Variants in TAOK1 observed in about 807,000 individuals in gnomAD.
The protein encoded by TAOK1 is TAO kinase 1.
A neutral mutation model predicts 138.3 loss-of-function variants in TAOK1; 21 were observed. The observed-to-expected ratio is 0.15, with a 90% CI of 0.11 to 0.22. The LOEUF (loss-of-function observed/expected upper bound fraction) is 0.22, where lower values mean the gene tolerates loss of function less well. Among genes scored for constraint, TAOK1 ranks in the 10% least tolerant of loss-of-function variants. The pLI is 1.00. For synonymous variants in TAOK1, 361 were observed against 398.4 expected, an observed-to-expected ratio of 0.91 and a Z score of 1.12; for missense variants, 651 against 1,227.7, an observed-to-expected ratio of 0.53 and a Z score of 7.02.
chr17:29,475,557 G>A (rs2030926252), intron 3 of TAOK1, 113 bp from the exon 4 acceptor site: 1 of 716,264 alleles, frequency 1.4e-6, no homozygotes, highest in Admixed American at 3.2e-5. Context: ...GTAAAACCAA[G>A]CAAAGTTGCA....
At chr17:29,442,380 T>G (rs998623767) in intron 1 of TAOK1, among the ~76,000 whole-genome samples, 1 of 150,218 alleles carries the variant, frequency 6.7e-6, no homozygotes. Context: ...TTATGGTTTA[T>G]TTTTTTCTGT....
At chr17:29,507,782 A>G in intron 13 of TAOK1, 114 bp from the exon 14 acceptor site, 1 of 941,798 alleles carries the variant, frequency 1.1e-6, no homozygotes, top group South Asian at 1.8e-5. Flanking sequence ...GAATCTGCTA[A>G]CATTGGGATA....
Position 29,526,896 on chromosome 17 carries a change from A to G in TAOK1, c.2149-3511A>G, listed in dbSNP as rs558558757. ...GCAATCCCAGCACTTTGGGAGGTTGACGTGGGCAGATCACAAGGTCAGGAG... is the reference window on the plus strand; with the variant it reads ...GCAATCCCAGCACTTTGGGAGGTTGGCGTGGGCAGATCACAAGGTCAGGAG... On this transcript the variant is annotated intron_variant, in intron 17 of 19. Coordinates refer to ENST00000261716, the MANE Select transcript of TAOK1 (RefSeq NM_020791.4). Among the ~76,000 whole-genome samples, 5 of 148,096 alleles carry G rather than the reference A, an allele frequency of 3.4e-5. No individual in the cohort carries two copies. In the East Asian group the frequency reaches 8.0e-4, roughly 24 times the overall value.
intron 6 of TAOK1, 117 bp from the exon 7 acceptor site, chr17:29,480,251 C>A: frequency 1.6e-6 from 1 of 624,826 alleles, no homozygotes. Context: ...ATTACCCCAG[C>A]ACTTAATTAT....
chr17:29,415,272 T>G (rs1905242133), intron 1 of TAOK1, among the ~76,000 whole-genome samples: 1 of 152,140 alleles, frequency 6.6e-6, no homozygotes, highest in African/African-American at 2.4e-5. Context: ...CCCAGCTGTT[T>G]TATACTTTTT....
intron 1 of TAOK1, among the ~76,000 whole-genome samples, chr17:29,395,558 T>A (rs8067521): frequency 4.6e-5 from 7 of 151,644 alleles, no homozygotes; most frequent in African/African-American, 1.7e-4. Context: ...ATAAAAAAGT[T>A]TTATTTCTCT....
rs188294768 is a variant in TAOK1, at chr17:29,480,741, A to C, written c.563+260A>C. Among the ~76,000 whole-genome samples, 802 of 151,860 alleles carry C rather than the reference A, an allele frequency of 5.3e-3. 3 individuals carry two copies. The highest frequency in any genetic ancestry group is 7.6e-3 in the Non-Finnish European group (515 of 67,938). ...AAAAATTAGCCAGGCATGGTGGTGCATGCCTGTAGTCCCAGCTACTTGAGA... is the reference window on the plus strand; with the variant it reads ...AAAAATTAGCCAGGCATGGTGGTGCCTGCCTGTAGTCCCAGCTACTTGAGA... On this transcript the variant is annotated intron_variant, in intron 7 of 19. Coordinates refer to ENST00000261716, the MANE Select transcript of TAOK1 (RefSeq NM_020791.4).
Position 29,522,580 on chromosome 17 carries a change from A to G in TAOK1, c.2148+61A>G, listed in dbSNP as rs935698187. On this transcript the variant is annotated intron_variant, in intron 17 of 19. Transcript: ENST00000261716. ...AGAATGAAAAGGTATCCATGTAAGCAGGAAAAGTCTTAAGATGATGTCTAG... is the reference window on the plus strand; with the variant it reads ...AGAATGAAAAGGTATCCATGTAAGCGGGAAAAGTCTTAAGATGATGTCTAG... 6 of 1,591,594 alleles carry G rather than the reference A, an allele frequency of 3.8e-6. No homozygotes were observed. The African/African-American group carries it at 4.0e-5, about 11-fold the overall frequency.
intron 1 of TAOK1, among the ~76,000 whole-genome samples, chr17:29,434,595 G>A (rs1386595016): frequency 6.6e-6 from 1 of 152,090 alleles, no homozygotes; most frequent in Non-Finnish European, 1.5e-5. Context: ...TGAAACAGGG[G>A]TGTCGAGACA....
In TAOK1 at chr17:29,551,281, G is replaced by A. The variant is rs2032488991; in HGVS notation, c.*8259G>A. 1 of 152,166 alleles carries A rather than the reference G, an allele frequency of 6.6e-6. No homozygotes were observed. 9.4% of individuals were successfully genotyped at this position (152,166 alleles called of 1,614,324 possible). A position where few individuals can be genotyped will look rare whatever the true frequency, so the allele number is the denominator to read the frequency against. ...TTGTACATTTCTAGTTCCCTTTGGTGAAGGGAAAAATGATGATTTTGCAAG... is the reference window on the plus strand; with the variant it reads ...TTGTACATTTCTAGTTCCCTTTGGTAAAGGGAAAAATGATGATTTTGCAAG... On this transcript the variant is annotated 3_prime_UTR_variant, in exon 20 of 20. Coordinates refer to ENST00000261716, the MANE Select transcript of TAOK1 (RefSeq NM_020791.4).
chr17:29,497,861 C>T (rs931268121), intron 11 of TAOK1, among the ~76,000 whole-genome samples: 1 of 150,814 alleles, frequency 6.6e-6, no homozygotes, highest in Non-Finnish European at 1.5e-5. Context: ...TTTTTAAATG[C>T]TCCTTATGGA....
intron 1 of TAOK1, among the ~76,000 whole-genome samples, chr17:29,428,848 G>A (rs1423087445): frequency 6.7e-6 from 1 of 149,958 alleles, no homozygotes; most frequent in African/African-American, 2.5e-5. Flanking sequence ...GGCTTGTCTC[G>A]AACTCCTAGG....
chr17:29,417,698 C>T (rs988415972), intron 1 of TAOK1, among the ~76,000 whole-genome samples: 2 of 152,188 alleles, frequency 1.3e-5, no homozygotes, highest in Non-Finnish European at 2.9e-5. Context: ...ATCTCCTTGG[C>T]CTGCTTTCTG....
chr17:29,495,325 A>G (rs929512361), intron 10 of TAOK1, among the ~76,000 whole-genome samples: 3 of 152,180 alleles, frequency 2.0e-5, no homozygotes, highest in Non-Finnish European at 1.5e-5. Flanking sequence ...TTAACTCTGC[A>G]TTTTTAGTTG....
At chr17:29,536,323 C>T (rs991456598) in intron 19 of TAOK1, among the ~76,000 whole-genome samples, 7 of 146,852 alleles carry the variant, frequency 4.8e-5, no homozygotes, top group Admixed American at 4.1e-4. Flanking sequence ...GAGGCCGGGG[C>T]ATGGTGGCTC....
At chr17:29,411,155 G>A in intron 1 of TAOK1, among the ~76,000 whole-genome samples, 1 of 143,678 alleles carries the variant, frequency 7.0e-6, no homozygotes, top group Non-Finnish European at 1.5e-5. Flanking sequence ...GCAGTGGCGG[G>A]ATCTCGGCTC....
At chr17:29,394,267 G>T (rs75615624) in intron 1 of TAOK1, among the ~76,000 whole-genome samples, 392 of 135,452 alleles carry the variant, frequency 2.9e-3, no homozygotes, top group Middle Eastern at 0.013. Flanking sequence ...CTGGGTTTAC[G>T]CCAGTCTCCT....
chr17:29,494,115 T>TA (rs1212142873), intron 10 of TAOK1, among the ~76,000 whole-genome samples: 1 of 152,010 alleles, frequency 6.6e-6, no homozygotes, highest in Non-Finnish European at 1.5e-5. Context: ...CACTATTGGC[T>TA]AGGCTGGTCT....
At chr17:29,425,485 C>T (rs1905606541) in intron 1 of TAOK1, among the ~76,000 whole-genome samples, 2 of 152,126 alleles carry the variant, frequency 1.3e-5, no homozygotes, top group Admixed American at 1.3e-4. Context: ...TTGAGACCAG[C>T]CTGGGCAGCA....
Sources: allele counts gnomAD v4.1 joint callset (sites outside exome capture counted in the v4.1 genomes callset), GRCh38; gene constraint gnomAD v4.1.1; transcripts MANE v1.5; gene names NCBI Gene and HGNC (gene_info 2026-07-23, HGNC 2026-07-21).